MARCO: variants seen among roughly 807,000 people sequenced by gnomAD.
The protein encoded by MARCO is macrophage receptor with collagenous structure.
A neutral mutation model predicts 70.0 loss-of-function variants in MARCO; 72 were observed. The ratio of observed to expected loss-of-function variants is 1.03; its 90% CI spans 0.85 to 1.25. The LOEUF (loss-of-function observed/expected upper bound fraction) is 1.25, where lower values mean the gene tolerates loss of function less well. Ranked by LOEUF, MARCO falls within the 50% of genes most tolerant of loss-of-function variation. The pLI is 0.00. For synonymous variants in MARCO, 273 were observed against 243.1 expected, an observed-to-expected ratio of 1.12 and a Z score of -1.14; for missense variants, 696 against 659.3, an observed-to-expected ratio of 1.06 and a Z score of -0.61.
At chr2:118,946,735 G>A (rs888041158) in intron 1 of MARCO, among the ~76,000 whole-genome samples, 1 of 152,170 alleles carries the variant, frequency 6.6e-6, no homozygotes, top group African/African-American at 2.4e-5. Context: ...ACAAGAAGTA[G>A]TCGATATATT....
rs1005319370 is a variant in MARCO at position 118,978,512 on chromosome 2, C to T, written c.766+577C>T. On this transcript the variant is annotated intron_variant, in intron 8 of 16. Transcript: ENST00000327097. ...GCTCTGGACTTGACTGAGCATGCCA[C>T]GCTCTCCGCCTCTCAGCCTCCTGCA... 5.3e-5 allele frequency among the ~76,000 whole-genome samples: 8 copies of T among 152,306 alleles called. No homozygotes were observed. In the Middle Eastern group the frequency reaches 0.01, roughly 194 times the overall value.
At chr2:118,957,683 A>G (rs988586351) in intron 1 of MARCO, among the ~76,000 whole-genome samples, 3 of 152,004 alleles carry the variant, frequency 2.0e-5, no homozygotes, top group African/African-American at 7.2e-5. Flanking sequence ...CCTAACACCA[A>G]AACCAGGAAA....
intron 1 of MARCO, among the ~76,000 whole-genome samples, chr2:118,952,272 G>A (rs896382957): frequency 3.3e-5 from 5 of 152,034 alleles, no homozygotes; most frequent in Non-Finnish European, 7.4e-5. Flanking sequence ...GCCTGCCCTG[G>A]GAGGTTGACC....
intron 9 of MARCO, 44 bp downstream of exon 9, chr2:118,981,551 C>A (rs1464052868): frequency 3.2e-5 from 46 of 1,449,126 alleles, no homozygotes; most frequent in Non-Finnish European, 4.3e-5. Context: ...TAGGTATTTC[C>A]TTTTTTTTTT....
chr2:118,950,212 G>T (rs1216083065), intron 1 of MARCO, among the ~76,000 whole-genome samples: 1 of 152,114 alleles, frequency 6.6e-6, no homozygotes, highest in Non-Finnish European at 1.5e-5. Context: ...ATAAAACCTT[G>T]TTGACATATG....
At chr2:118,973,053 A>G (rs1002955356) in intron 4 of MARCO, among the ~76,000 whole-genome samples, 2 of 152,104 alleles carry the variant, frequency 1.3e-5, no homozygotes, top group African/African-American at 4.8e-5. Context: ...ATGTACATAG[A>G]GAAAAACTCC....
At chr2:118,951,143 T>C (rs968590037) in intron 1 of MARCO, among the ~76,000 whole-genome samples, 1 of 152,084 alleles carries the variant, frequency 6.6e-6, no homozygotes, top group Non-Finnish European at 1.5e-5. Flanking sequence ...TCTACAAGAG[T>C]TTCCTTATCA....
At chr2:118,970,584 A>C (rs933757102) in intron 3 of MARCO, among the ~76,000 whole-genome samples, 2 of 152,162 alleles carry the variant, frequency 1.3e-5, no homozygotes, top group Non-Finnish European at 2.9e-5. Flanking sequence ...CAGCTGACTT[A>C]CACTGACATG....
chr2:118,948,582 A>G (rs1329156914), intron 1 of MARCO, among the ~76,000 whole-genome samples: 1 of 152,244 alleles, frequency 6.6e-6, no homozygotes, highest in African/African-American at 2.4e-5. Context: ...ATCATTTCCA[A>G]CACTCACAAT....
intron 12 of MARCO, among the ~76,000 whole-genome samples, chr2:118,988,670 C>T (rs548641768): frequency 5.3e-5 from 8 of 152,090 alleles, no homozygotes; most frequent in Non-Finnish European, 1.0e-4. Context: ...TGATCTTTCG[C>T]CCAACCCATC....
intron 4 of MARCO, 55 bp from the exon 5 acceptor site, chr2:118,974,278 G>A (rs772885000): frequency 3.1e-4 from 317 of 1,032,220 alleles, no homozygotes; most frequent in Admixed American, 6.7e-4. Context: ...ATTGCATGGC[G>A]TTGTTGCCCC....
intron 10 of MARCO, among the ~76,000 whole-genome samples, 170 bp downstream of exon 10, chr2:118,981,826 G>A (rs144648247): frequency 6.6e-6 from 1 of 152,300 alleles, no homozygotes; most frequent in East Asian, 1.9e-4. Context: ...CCAGTGGGCG[G>A]TGGGGGCAGG....
At chr2:118,983,969 G>A (rs764028111) in intron 12 of MARCO, among the ~76,000 whole-genome samples, 3 of 152,162 alleles carry the variant, frequency 2.0e-5, no homozygotes, top group South Asian at 2.1e-4. Flanking sequence ...CATCCTGGGA[G>A]GATTTGCAGA....
intron 12 of MARCO, among the ~76,000 whole-genome samples, chr2:118,986,776 AAGAG>A (rs1246415700): frequency 6.6e-6 from 1 of 151,920 alleles, no homozygotes; most frequent in Non-Finnish European, 1.5e-5. Flanking sequence ...AAAGAAAAGA[AAGAG>A]TGTGAGAGAA....
chr2:118,971,437 G>T (rs1680168688), intron 3 of MARCO, 62 bp from the exon 4 acceptor site: 1 of 1,555,320 alleles, frequency 6.4e-7, no homozygotes, highest in Non-Finnish European at 8.9e-7. Flanking sequence ...GGCACTCTCA[G>T]TTGGGGCTTG....
At chr2:118,960,850 G>T (rs977936362) in intron 1 of MARCO, among the ~76,000 whole-genome samples, 2 of 151,990 alleles carry the variant, frequency 1.3e-5, no homozygotes, top group African/African-American at 4.8e-5. Flanking sequence ...TAGATATTAA[G>T]CTCAGAATGC....
At chr2:118,978,288 C>A (rs113071590) in intron 8 of MARCO, among the ~76,000 whole-genome samples, 74 of 152,210 alleles carry the variant, frequency 4.9e-4, no homozygotes, top group African/African-American at 1.6e-3. Flanking sequence ...AGGAGGGAGA[C>A]CCCAGGCAGC....
In MARCO at chr2:118,974,412, G is replaced by A; in HGVS notation, c.540G>A (p.Lys180=). 1.2e-6 allele frequency: 2 copies of A among 1,612,816 alleles called. No homozygotes were observed. The highest frequency in any genetic ancestry group is 1.7e-6 in the Non-Finnish European group (2 of 1,179,564). Residue 180 remains lysine, a synonymous_variant, in exon 5 of 17, where the codon AAG becomes AAA. Transcript: ENST00000327097. ...GACCACCTGCTGAGAAGGGAGCCAA[G>A]GGGGCTATGGGACGAGATGGAGCAA... ...PPGPPAEKGA[K]GAMGRDGATG...
intron 1 of MARCO, among the ~76,000 whole-genome samples, chr2:118,967,855 G>T (rs1680084969): frequency 6.6e-6 from 1 of 152,120 alleles, no homozygotes; most frequent in African/African-American, 2.4e-5. Context: ...ATTCCCTTGG[G>T]CTCCTTCATT....
Sources: gnomAD v4.1 joint callset for allele counts (sites outside exome capture counted in the v4.1 genomes callset) on GRCh38, gnomAD v4.1.1 for gene constraint, MANE v1.5 for transcripts, NCBI Gene and HGNC (gene_info 2026-07-23, HGNC 2026-07-21) for gene names.